CLVS1: variants seen among roughly 807,000 people sequenced by gnomAD.
The protein encoded by CLVS1 is clavesin-1.
A neutral mutation model predicts 33.1 loss-of-function variants in CLVS1; 10 were observed. The ratio of observed to expected loss-of-function variants is 0.30; its 90% CI spans 0.19 to 0.51. The LOEUF is 0.51. Ranked by LOEUF, CLVS1 falls within the 20% of genes least tolerant of loss-of-function variation. The pLI is 0.97. For missense variants in CLVS1, 343 were observed against 433.4 expected (o/e 0.79, Z 1.85); for synonymous variants, 163 against 166.1 (o/e 0.98, Z 0.14).
chr8:61,250,696 ACT>A (rs1808923557), intron 2 of CLVS1, among the ~76,000 whole-genome samples: 1 of 152,132 alleles, frequency 6.6e-6, no homozygotes, highest in Non-Finnish European at 1.5e-5. Flanking sequence ...ATGGGAATTC[ACT>A]CATGATTTGG....
At chr8:61,038,137 C>T in the CLVS1 span, among the ~76,000 whole-genome samples, 1 of 152,292 alleles carries the variant, frequency 6.6e-6, no homozygotes, top group Non-Finnish European at 1.5e-5. Context: ...GACATTCCTG[C>T]AGCTCAGTCT....
intron 2 of CLVS1, among the ~76,000 whole-genome samples, chr8:61,220,107 T>C (rs1808177595): frequency 6.6e-6 from 1 of 152,216 alleles, no homozygotes; most frequent in South Asian, 2.1e-4. Context: ...ATTCTGTAGG[T>C]TGCCTGCTCA....
At chr8:61,109,011 G>A (rs181716101) in intron 1 of CLVS1, among the ~76,000 whole-genome samples, 53 of 152,298 alleles carry the variant, frequency 3.5e-4, no homozygotes, top group African/African-American at 1.1e-3. Context: ...TCCCATCCCC[G>A]TTGGGATTCA....
chr8:61,228,779 A>T, intron 2 of CLVS1, among the ~76,000 whole-genome samples: 1 of 152,156 alleles, frequency 6.6e-6, no homozygotes, highest in East Asian at 1.9e-4. Context: ...CACATTTTTA[A>T]TGCATTTATT....
chr8:61,207,717 AG>A (rs1439690804), intron 2 of CLVS1, among the ~76,000 whole-genome samples: 6 of 152,140 alleles, frequency 3.9e-5, no homozygotes, highest in Non-Finnish European at 7.4e-5. Context: ...GGTTTTGGTA[AG>A]GGGGAAATGA....
intron 5 of CLVS1, among the ~76,000 whole-genome samples, chr8:61,485,257 AAACAACCCCATC>A (rs1480067142): frequency 6.6e-6 from 1 of 152,224 alleles, no homozygotes; most frequent in African/African-American, 2.4e-5. Context: ...AGAAAAAAAC[AAACAACCCCATC>A]AAAAAGTGGA....
At chr8:61,261,975 C>A (rs374094060) in intron 2 of CLVS1, among the ~76,000 whole-genome samples, 1 of 110,964 alleles carries the variant, frequency 9.0e-6, no homozygotes, top group Admixed American at 9.3e-5. Context: ...CTCATTGCTG[C>A]GTGTGTGTGT....
chr8:61,143,161 C>A (rs1806341619), intron 2 of CLVS1, among the ~76,000 whole-genome samples: 1 of 152,178 alleles, frequency 6.6e-6, no homozygotes, highest in African/African-American at 2.4e-5. Flanking sequence ...ATCCACCAGA[C>A]AAATCAGAAA....
At chr8:61,252,341 C>T (rs1808967834) in intron 2 of CLVS1, among the ~76,000 whole-genome samples, 2 of 151,966 alleles carry the variant, frequency 1.3e-5, no homozygotes, top group African/African-American at 4.8e-5. Context: ...TTCCAATTAT[C>T]CAGTCAATTT....
At chr8:61,200,811 T>C (rs1436282550) in intron 2 of CLVS1, among the ~76,000 whole-genome samples, 1 of 152,228 alleles carries the variant, frequency 6.6e-6, no homozygotes. Flanking sequence ...TATTTCTTCA[T>C]TAGTGAATCT....
chr8:61,394,727 GCT>G (rs1814449041), intron 3 of CLVS1, among the ~76,000 whole-genome samples: 1 of 152,028 alleles, frequency 6.6e-6, no homozygotes, highest in South Asian at 2.1e-4. Flanking sequence ...AGCATGCAGG[GCT>G]CTCTTTTTAG....
At chr8:61,439,959 A>G (rs1316965734) in intron 3 of CLVS1, among the ~76,000 whole-genome samples, 3 of 152,218 alleles carry the variant, frequency 2.0e-5, no homozygotes, top group Non-Finnish European at 4.4e-5. Context: ...AGGCTTTTTC[A>G]TCTGCCGTCT....
At chr8:61,030,913 T>A in the CLVS1 span, among the ~76,000 whole-genome samples, 7 of 152,236 alleles carry the variant, frequency 4.6e-5, no homozygotes, top group Middle Eastern at 3.4e-3. Flanking sequence ...TTTGGATGAG[T>A]TATGAACTCT....
the CLVS1 span, among the ~76,000 whole-genome samples, chr8:61,052,086 G>A: frequency 6.6e-6 from 1 of 152,298 alleles, no homozygotes; most frequent in Non-Finnish European, 1.5e-5. Flanking sequence ...GATGGGCAAG[G>A]GGGATTGAGG....
intron 3 of CLVS1, among the ~76,000 whole-genome samples, chr8:61,415,004 T>C (rs768235600): frequency 2.0e-5 from 3 of 152,244 alleles, no homozygotes; most frequent in Non-Finnish European, 4.4e-5. Context: ...CCATTTGAGG[T>C]TGGGAAATGG....
intron 3 of CLVS1, among the ~76,000 whole-genome samples, chr8:61,446,859 AT>A: frequency 7.0e-6 from 1 of 142,714 alleles, no homozygotes; most frequent in African/African-American, 2.6e-5. Context: ...TCCATGGGTT[AT>A]TTAGAACTGT....
intron 3 of CLVS1, among the ~76,000 whole-genome samples, chr8:61,391,792 C>A (rs111754825): frequency 6.6e-6 from 1 of 152,026 alleles, no homozygotes; most frequent in Non-Finnish European, 1.5e-5. Context: ...TATAGGGCAG[C>A]ATTAAAGTAG....
In CLVS1 at chr8:61,474,984, C is replaced by T. The variant is rs536359963; in HGVS notation, c.977+16442C>T. Among the ~76,000 whole-genome samples, 6 of 152,254 alleles carry T rather than the reference C, an allele frequency of 3.9e-5. No homozygotes were observed. In the East Asian group the frequency reaches 1.2e-3, roughly 29 times the overall value. The stretch of plus-strand genomic sequence containing the variant: ...ACAACAGGCCCCAGTGTGTGATGTT[C>T]CCCTTCCTGTGTCCATGTGTTCTCA... On this transcript the variant is annotated intron_variant, in intron 5 of 5. Coordinates refer to ENST00000325897, the MANE Select transcript of CLVS1 (RefSeq NM_173519.3).
chr8:61,282,642 G>A lies in CLVS1; in HGVS notation c.-151-17035G>A, dbSNP rs111849781. On this transcript the variant is annotated intron_variant, in intron 2 of 2. Coordinates refer to the CLVS1 transcript ENST00000522621. ...AGTACTCCCTCATGTTAATTGCTGT[G>A]AGGATTCAATGCCATATTGCTTGAA... 9.9e-3 allele frequency among the ~76,000 whole-genome samples: 1,507 copies of A among 152,308 alleles called. 31 individuals are homozygous for A. The highest frequency in any genetic ancestry group is 0.034 in the African/African-American group (1,398 of 41,554).
Sources: allele counts gnomAD v4.1 joint callset (sites outside exome capture counted in the v4.1 genomes callset), GRCh38; gene constraint gnomAD v4.1.1; transcripts MANE v1.5; gene names NCBI Gene and HGNC (gene_info 2026-07-23, HGNC 2026-07-21).